NTAQ1: variants seen among roughly 807,000 people sequenced by gnomAD.
The protein encoded by NTAQ1 is N-terminal glutamine amidase 1.
Under a neutral mutation model 28.2 loss-of-function variants are expected in NTAQ1, and 21 were observed. The observed-to-expected ratio is 0.74, with a 90% CI of 0.53 to 1.07. The LOEUF (loss-of-function observed/expected upper bound fraction) is 1.07, where lower values mean the gene tolerates loss of function less well. NTAQ1 is among the 50% of genes least tolerant of loss of function. NTAQ1 has a pLI of 0.00. For missense variants in NTAQ1, 264 were observed against 256.6 expected, an observed-to-expected ratio of 1.03 and a Z score of -0.20; for synonymous variants, 105 against 90.0, an observed-to-expected ratio of 1.17 and a Z score of -0.94.
downstream of NTAQ1, among the ~76,000 whole-genome samples, chr8:123,445,364 T>C (rs113707744): frequency 3.3e-3 from 507 of 152,300 alleles, 3 homozygotes; most frequent in African/African-American, 0.012. Flanking sequence ...TTTTACTTTT[T>C]AAAGTTAATA....
chr8:123,427,504 G>A (rs1185032579), intron 1 of NTAQ1, among the ~76,000 whole-genome samples: 3 of 152,024 alleles, frequency 2.0e-5, no homozygotes, highest in African/African-American at 4.8e-5. Flanking sequence ...TCCTGACCTC[G>A]TGATCCGCCC....
At chr8:123,464,402 G>T (rs147197876) in intron 6 of NTAQ1, among the ~76,000 whole-genome samples, 1 of 152,148 alleles carries the variant, frequency 6.6e-6, no homozygotes, top group Non-Finnish European at 1.5e-5. Context: ...GGAAATGCTC[G>T]TGAACATGTT....
At chr8:123,423,869 T>TA (rs1813874100) in intron 1 of NTAQ1, among the ~76,000 whole-genome samples, 1 of 133,696 alleles carries the variant, frequency 7.5e-6, no homozygotes, top group Non-Finnish European at 1.6e-5. Flanking sequence ...TCTTTGTAGT[T>TA]TTTATTATTA....
chr8:123,464,599 T>A (rs1815918458), intron 6 of NTAQ1, among the ~76,000 whole-genome samples: 1 of 152,194 alleles, frequency 6.6e-6, no homozygotes, highest in Admixed American at 6.5e-5. Context: ...GGGGCTCTGA[T>A]AGGACCACAT....
In NTAQ1 at chr8:123,441,131, GTT is replaced by G. The variant is rs1384380204; in HGVS notation, c.509-172_509-171del. Among the ~76,000 whole-genome samples the G allele has an allele frequency of 2.6e-5, 4 of 152,296 alleles. No individual in the cohort carries two copies. In the East Asian group the frequency reaches 7.7e-4, roughly 29 times the overall value. On this transcript the variant is annotated intron_variant, in intron 5 of 5. Transcript: ENST00000287387. ...TGTTTCCCTCAGTTTGGGTGTGTGT[GTT>G]TTGTCATGATTGGATTGAAGTTATA...
intron 1 of NTAQ1, among the ~76,000 whole-genome samples, chr8:123,417,657 G>A (rs953000278): frequency 2.6e-5 from 4 of 152,036 alleles, no homozygotes; most frequent in Non-Finnish European, 4.4e-5. Flanking sequence ...CCAGCTTCTA[G>A]TCCTTGTACA....
intron 3 of NTAQ1, among the ~76,000 whole-genome samples, chr8:123,433,452 A>G (rs1339013562): frequency 6.6e-6 from 1 of 151,320 alleles, no homozygotes; most frequent in Admixed American, 6.6e-5. Context: ...ATTTTTATTT[A>G]TTTATTTGTT....
chr8:123,451,582 G>A (rs143973732), downstream of NTAQ1, among the ~76,000 whole-genome samples: 57 of 151,850 alleles, frequency 3.8e-4, no homozygotes, highest in African/African-American at 1.2e-3. Context: ...CAATTGGTCC[G>A]CCCACTTCAG....
upstream of NTAQ1, chr8:123,416,741 C>T: frequency 8.9e-7 from 1 of 1,127,128 alleles, no homozygotes; most frequent in Non-Finnish European, 1.2e-6. Context: ...CCCCCGGGCT[C>T]CGCCCACCCC....
intron 3 of NTAQ1, among the ~76,000 whole-genome samples, chr8:123,432,560 G>A (rs1814460073): frequency 5.9e-5 from 9 of 151,808 alleles, no homozygotes. Flanking sequence ...GCTTGAACCT[G>A]GGAGGCAGAG....
At chr8:123,453,364 T>TTGTG (rs1378616187) in intron 6 of NTAQ1, among the ~76,000 whole-genome samples, 3 of 152,094 alleles carry the variant, frequency 2.0e-5, no homozygotes, top group Non-Finnish European at 2.9e-5. Flanking sequence ...TCAAATGAGA[T>TTGTG]TGTGTGTGTG....
chr8:123,449,859 T>TTCTCTC (rs112959997), downstream of NTAQ1, among the ~76,000 whole-genome samples: 558 of 111,234 alleles, frequency 5.0e-3, 8 homozygotes, highest in Middle Eastern at 0.017. Context: ...GCTCGCTGCT[T>TTCTCTC]TCTCTCTCTC....
chr8:123,475,086 A>AT, the NTAQ1 span, among the ~76,000 whole-genome samples: 1 of 151,808 alleles, frequency 6.6e-6, no homozygotes, highest in African/African-American at 2.4e-5. Context: ...TCCCTCATTT[A>AT]TTTTTTTATA....
chr8:123,454,051 G>A (rs1189688095), intron 6 of NTAQ1, among the ~76,000 whole-genome samples: 2 of 152,120 alleles, frequency 1.3e-5, no homozygotes, highest in Admixed American at 1.3e-4. Flanking sequence ...CCCATGGTCG[G>A]GATGAAGTGT....
chr8:123,458,908 C>T (rs964090407), intron 6 of NTAQ1, among the ~76,000 whole-genome samples: 1 of 151,976 alleles, frequency 6.6e-6, no homozygotes, highest in African/African-American at 2.4e-5. Context: ...GCGTGAGCCA[C>T]CTCTATTAAA....
At chr8:123,467,510 C>A (rs112810099) in exon 7 of NTAQ1, among the ~76,000 whole-genome samples, 103 of 152,184 alleles carry the variant, frequency 6.8e-4, no homozygotes, top group African/African-American at 2.4e-3. Flanking sequence ...TAAAATAATT[C>A]TTGCATTAAG....
chr8:123,434,724 A>G (rs1814600503), intron 3 of NTAQ1, among the ~76,000 whole-genome samples: 1 of 152,184 alleles, frequency 6.6e-6, no homozygotes, highest in Admixed American at 6.5e-5. Context: ...GTGGGAGAAG[A>G]TAAAAAATTG....
At position 123,441,570 on chromosome 8, in the gene NTAQ1, A is replaced by G. The variant is rs1165898595; in HGVS notation, c.*155A>G. 3.0e-6 allele frequency: 2 copies of G among 669,194 alleles called. No homozygotes were observed. Among genetic ancestry groups the G allele is most frequent in the Non-Finnish European group, 5.1e-6 (2 of 389,602 alleles). The allele number at this position is 669,194 out of a possible 1,614,324, so 41.5% of individuals were successfully genotyped here. On this transcript the variant is annotated 3_prime_UTR_variant, in exon 6 of 6. Coordinates refer to ENST00000287387, the MANE Select transcript of NTAQ1 (RefSeq NM_018024.3). ...GGAAATCTGAGTGAATACAAATATA[A>G]ATGAACAACATAAAAACTTTTGTTT... is the stretch of plus-strand genomic sequence containing the variant.
At chr8:123,436,418 G>A (rs756760179) in intron 3 of NTAQ1, 35 bp from the exon 4 acceptor site, 16 of 1,604,208 alleles carry the variant, frequency 1.0e-5, no homozygotes, top group African/African-American at 4.0e-5. Flanking sequence ...TCATTATGAA[G>A]TAACTTGGTT....
Sources: gnomAD v4.1 joint callset for allele counts (sites outside exome capture counted in the v4.1 genomes callset) on GRCh38, gnomAD v4.1.1 for gene constraint, MANE v1.5 for transcripts, NCBI Gene and HGNC (gene_info 2026-07-23, HGNC 2026-07-21) for gene names.